ZWILCH: variants seen among roughly 807,000 people sequenced by gnomAD.
ZWILCH encodes the protein protein zwilch homolog.
Under a neutral mutation model 79.9 loss-of-function variants are expected in ZWILCH, and 74 were observed. The ratio of observed to expected loss-of-function variants is 0.93; its 90% CI spans 0.77 to 1.12. ZWILCH has a LOEUF of 1.12. ZWILCH is among the 50% of genes most tolerant of loss of function. The pLI, the probability that ZWILCH is intolerant of heterozygous loss-of-function variation, is 0.00. For missense variants in ZWILCH, 694 were observed against 687.5 expected (o/e 1.01, Z -0.11); for synonymous variants, 241 against 228.2 (o/e 1.06, Z -0.51).
rs1894878427 is a variant in ZWILCH, at chr15:66,532,320, C to T, written c.1229C>T (p.Ser410Phe). 5 of 1,612,918 alleles carry T rather than the reference C, an allele frequency of 3.1e-6. No individual in the cohort carries two copies. The highest frequency in any genetic ancestry group is 3.4e-6 in the Non-Finnish European group (4 of 1,179,470). ...TATCATGGAACCATGGACACAGTTT[C>T]TCTCAGTGGGACTATTCCAGTTCAA... ...QSYHGTMDTV[S>F]LSGTIPVQML... Residue 410 changes from serine to phenylalanine, a missense_variant, in exon 13 of 19, where the codon TCT (serine) becomes TTT (phenylalanine). Transcript: ENST00000307897.
intron 1 of ZWILCH, among the ~76,000 whole-genome samples, chr15:66,508,574 C>T (rs563680238): frequency 2.2e-4 from 33 of 152,192 alleles, no homozygotes; most frequent in Non-Finnish European, 2.8e-4. Flanking sequence ...TTCCTGCTGC[C>T]TCTGAGAATC....
intron 2 of ZWILCH, among the ~76,000 whole-genome samples, chr15:66,511,834 C>CA (rs1453875351): frequency 6.6e-6 from 1 of 152,046 alleles, no homozygotes; most frequent in Non-Finnish European, 1.5e-5. Flanking sequence ...AGGCTGGTCT[C>CA]AAACTCCTGA....
intron 14 of ZWILCH, 133 bp from the exon 15 acceptor site, chr15:66,535,800 T>C: frequency 1.5e-6 from 1 of 675,924 alleles, no homozygotes; most frequent in Admixed American, 3.6e-5. Flanking sequence ...CTATCTAGCT[T>C]CTTCTGGTCT....
At position 66,532,360 on chromosome 15, in the gene ZWILCH, T is replaced by C. The variant is rs766096814; in HGVS notation, c.1269T>C (p.Ile423=). The change falls in exon 13 of 19, where the codon ATT becomes ATC. Residue 423 remains isoleucine (I), a synonymous_variant. Transcript: ENST00000307897. ...TTCCAGTTCAAATGCTTTTGGAAATTGGTTTGGACAAACTAAAGAAAGATT... is the reference window on the plus strand; with the variant it reads ...TTCCAGTTCAAATGCTTTTGGAAATCGGTTTGGACAAACTAAAGAAAGATT... ...GTIPVQMLLE[I]GLDKLKKDYI... is the part of the protein sequence containing the mutation. The C allele has an allele frequency of 2.5e-6, 4 of 1,611,944 alleles. No individual in the cohort carries two copies. The highest frequency in any genetic ancestry group is 1.1e-5 in the South Asian group (1 of 90,672).
intron 4 of ZWILCH, among the ~76,000 whole-genome samples, chr15:66,517,255 CTT>C (rs10587291): frequency 0.18 from 27,012 of 151,104 alleles, 3,059 homozygotes; most frequent in Middle Eastern, 0.29. Context: ...TCCCCTTTTC[CTT>C]TTTCTCTCTC....
intron 4 of ZWILCH, among the ~76,000 whole-genome samples, chr15:66,518,010 C>T (rs996703179): frequency 6.6e-6 from 1 of 151,934 alleles, no homozygotes; most frequent in Admixed American, 6.6e-5. Context: ...GGATTACAAG[C>T]TTGAGCCACC....
chr15:66,540,342 A>G (rs1895155013), intron 17 of ZWILCH, 132 bp downstream of exon 17: 5 of 603,652 alleles, frequency 8.3e-6, no homozygotes, highest in Non-Finnish European at 1.1e-5. Context: ...GTGTGAGCTC[A>G]GGAGTTTGAG....
At chr15:66,508,927 T>C in intron 2 of ZWILCH, 35 bp downstream of exon 2, 2 of 1,606,908 alleles carry the variant, frequency 1.2e-6, no homozygotes, top group Non-Finnish European at 1.7e-6. Flanking sequence ...ACAACTCTAA[T>C]CCTAAAATTG....
Position 66,537,290 on chromosome 15 carries a change from G to T in ZWILCH, c.1574+27G>T, listed in dbSNP as rs768323878. On this transcript the variant is annotated intron_variant, in intron 16 of 18. Coordinates refer to ENST00000307897, the MANE Select transcript of ZWILCH (RefSeq NM_017975.5). ...TAAGCAATTTTTGCTAGGCATGGTG[G>T]CTCATGCCTGTAATCCTAGCACTAT... The T allele has an allele frequency of 7.9e-6, 12 of 1,519,180 alleles. No individual in the cohort carries two copies. The East Asian group carries it at 2.5e-4, about 31-fold the overall frequency. 94.1% of individuals were successfully genotyped at this position (1,519,180 alleles called of 1,614,324 possible). A position where few individuals can be genotyped will look rare whatever the true frequency, so the allele number is the denominator to read the frequency against.
chr15:66,515,648 G>A lies in ZWILCH; in HGVS notation c.320+4G>A. The A allele has an allele frequency of 6.2e-7, 1 of 1,600,690 alleles. No homozygotes were observed. The highest frequency in any genetic ancestry group is 8.6e-7 in the Non-Finnish European group (1 of 1,168,582). ...CTTTACCAGTTGGGAAGGCAAGGTA[G>A]GTTTTCTCTTATGCTGAGTAGGGGT... On this transcript the variant is annotated splice_donor_region_variant and intron_variant, in intron 4 of 18. Transcript: ENST00000307897.
rs1167404529 is a variant in ZWILCH at position 66,537,200 on chromosome 15, T to C, written c.1511T>C (p.Leu504Pro). The C allele has an allele frequency of 1.2e-5, 19 of 1,613,518 alleles. No homozygotes were observed. The highest frequency in any genetic ancestry group is 1.7e-4 in the Middle Eastern group (1 of 5,870). ...ICIKYYKQNP[L>P]DEQHIFQLPV... ...ATAAAGTATTACAAACAAAATCCTC[T>C]TGATGAGCAACACATTTTTCAGCTG... The change falls in exon 16 of 19, where the codon CTT (leucine) becomes CCT (proline). Residue 504 changes from leucine (L) to proline (P), a missense_variant. Leu to Pro is a moderately conservative substitution (Grantham distance 98). Coordinates refer to ENST00000307897, the MANE Select transcript of ZWILCH (RefSeq NM_017975.5).
chr15:66,532,328 G>C lies in ZWILCH; in HGVS notation c.1237G>C (p.Gly413Arg), dbSNP rs999990031. The change falls in exon 13 of 19, where the codon GGG becomes CGG. Residue 413 changes from glycine (G) to arginine (R), a missense_variant. Gly to Arg is a moderately radical substitution (Grantham distance 125). Coordinates refer to ENST00000307897, the MANE Select transcript of ZWILCH (RefSeq NM_017975.5). ...HGTMDTVSLS[G>R]TIPVQMLLEI... is the part of the protein sequence containing the mutation. ...AACCATGGACACAGTTTCTCTCAGT[G>C]GGACTATTCCAGTTCAAATGCTTTT... The C allele has an allele frequency of 3.1e-6, 5 of 1,612,680 alleles. No homozygotes were observed. Among genetic ancestry groups the C allele is most frequent in the Non-Finnish European group, 4.2e-6 (5 of 1,179,420 alleles).
rs777069593 is a variant in ZWILCH, at chr15:66,514,126, C to T, written c.201+43C>T. The T allele has an allele frequency of 2.1e-6, 3 of 1,448,318 alleles. No individual in the cohort carries two copies. In the South Asian group the frequency reaches 3.8e-5, roughly 18 times the overall value. The allele number at this position is 1,448,318 out of a possible 1,614,324, so 89.7% of individuals were successfully genotyped here. A position where few individuals can be genotyped will look rare whatever the true frequency, so the allele number is the denominator to read the frequency against. ...TTTGTGGTTGTTTAATTCTCCATAA[C>T]CAAATTTGGTTTCTTGGGAATAATC... On this transcript the variant is annotated intron_variant, in intron 3 of 18. Coordinates refer to ENST00000307897, the MANE Select transcript of ZWILCH (RefSeq NM_017975.5).
rs766712400 is a variant in ZWILCH at position 66,505,386 on chromosome 15, C to T, written c.48C>T (p.Leu16=). The T allele has an allele frequency of 5.6e-6, 9 of 1,614,116 alleles. No homozygotes were observed. In the South Asian group the frequency reaches 8.8e-5, roughly 16 times the overall value. Residue 16 remains leucine, a synonymous_variant, in exon 1 of 19, where the codon CTC becomes CTT. Transcript: ENST00000307897. ...NCAAEDFYSR[L]LQKFNEEKKG... is the part of the protein sequence containing the mutation. ...CAGCAGAGGACTTTTATTCTCGTCT[C>T]CTTCAGTGAGTCTAGTCTCTTCTTT... is the stretch of plus-strand genomic sequence containing the variant.
At chr15:66,511,365 A>G (rs986595288) in intron 2 of ZWILCH, among the ~76,000 whole-genome samples, 2 of 151,918 alleles carry the variant, frequency 1.3e-5, no homozygotes, top group Admixed American at 1.3e-4. Flanking sequence ...TCACGCACCT[A>G]TAGTCCCAGC....
At chr15:66,535,838 C>T in intron 14 of ZWILCH, 95 bp from the exon 15 acceptor site, 1 of 1,022,692 alleles carries the variant, frequency 9.8e-7, no homozygotes, top group Non-Finnish European at 1.4e-6. Context: ...TGTTATCAAG[C>T]ATCCAAATGT....
chr15:66,525,865 G>A (rs750863280), intron 8 of ZWILCH, among the ~76,000 whole-genome samples: 60 of 143,786 alleles, frequency 4.2e-4, no homozygotes, highest in Non-Finnish European at 7.5e-4. Context: ...AGATTCAAGT[G>A]ATTTACCTGC....
intron 9 of ZWILCH, 74 bp downstream of exon 9, chr15:66,527,457 A>G: frequency 8.1e-7 from 1 of 1,234,484 alleles, no homozygotes; most frequent in South Asian, 1.3e-5. Context: ...TAAGCTTGAT[A>G]CTCTTTTTTG....
Position 66,548,785 on chromosome 15 carries a change from T to C in ZWILCH, c.*461T>C. Reference sequence around the variant, plus strand: ...AATTAAATGTTATTTGAAAATGTTATAAGAGCTTTGTAAATATTTCAGAAA... The same window carrying C: ...AATTAAATGTTATTTGAAAATGTTACAAGAGCTTTGTAAATATTTCAGAAA... On this transcript the variant is annotated 3_prime_UTR_variant, in exon 19 of 19. Transcript: ENST00000307897. The C allele has an allele frequency of 2.3e-6, 1 of 425,640 alleles. No individual in the cohort carries two copies. The highest frequency in any genetic ancestry group is 4.9e-5 in the South Asian group (1 of 20,390). The allele number at this position is 425,640 out of a possible 1,614,324, so 26.4% of individuals were successfully genotyped here. A position where few individuals can be genotyped will look rare whatever the true frequency, so the allele number is the denominator to read the frequency against.
Sources: allele counts gnomAD v4.1 joint callset (sites outside exome capture counted in the v4.1 genomes callset), GRCh38; gene constraint gnomAD v4.1.1; transcripts MANE v1.5; gene names NCBI Gene and HGNC (gene_info 2026-07-23, HGNC 2026-07-21).